Variants in ASIC2 observed in about 807,000 individuals in gnomAD.
ASIC2 encodes the protein acid-sensing ion channel 2.
Under a neutral mutation model 57.3 loss-of-function variants are expected in ASIC2, and 25 were observed. The observed-to-expected ratio is 0.44, with a 90% CI of 0.32 to 0.61. The LOEUF is 0.61. Among genes scored for constraint, ASIC2 ranks in the 20% least tolerant of loss-of-function variants. The pLI, the probability that ASIC2 is intolerant of heterozygous loss-of-function variation, is 0.06. For synonymous variants in ASIC2, 319 were observed against 307.5 expected (o/e 1.04, Z -0.39); for missense variants, 641 against 738.1 (o/e 0.87, Z 1.52).
At chr17:33,710,418 C>T (rs1908991699) in intron 1 of ASIC2, among the ~76,000 whole-genome samples, 1 of 152,128 alleles carries the variant, frequency 6.6e-6, no homozygotes, top group African/African-American at 2.4e-5. Flanking sequence ...ATGGAGGAAA[C>T]AGGTCCGGAA....
At chr17:33,900,698 A>G (rs1322603192) in intron 1 of ASIC2, among the ~76,000 whole-genome samples, 1 of 152,212 alleles carries the variant, frequency 6.6e-6, no homozygotes, top group East Asian at 1.9e-4. Flanking sequence ...AGTTTTATAC[A>G]TACTCATTGA....
At chr17:33,431,048 A>C (rs1911399826) in intron 1 of ASIC2, among the ~76,000 whole-genome samples, 1 of 152,058 alleles carries the variant, frequency 6.6e-6, no homozygotes, top group African/African-American at 2.4e-5. Context: ...AAGGTATCTG[A>C]CAGATCTGAG....
chr17:33,763,021 T>C (rs908194267), intron 1 of ASIC2, among the ~76,000 whole-genome samples: 1 of 152,154 alleles, frequency 6.6e-6, no homozygotes, highest in Non-Finnish European at 1.5e-5. Flanking sequence ...AAGGGAAGCC[T>C]ACAGAGGAGA....
At chr17:33,302,389 T>TC (rs1383652372) in intron 1 of ASIC2, among the ~76,000 whole-genome samples, 2 of 152,170 alleles carry the variant, frequency 1.3e-5, no homozygotes, top group African/African-American at 4.8e-5. Context: ...TCCTTTACTG[T>TC]CCCCTTAACT....
chr17:33,222,215 G>A (rs1315928200), intron 1 of ASIC2, among the ~76,000 whole-genome samples: 2 of 152,162 alleles, frequency 1.3e-5, no homozygotes, highest in South Asian at 2.1e-4. Context: ...TAAATAAAAT[G>A]TAATATATCC....
intron 1 of ASIC2, chr17:34,039,261 C>G: frequency 6.2e-7 from 1 of 1,613,922 alleles, no homozygotes; most frequent in South Asian, 1.1e-5. Context: ...TCTGTCTGTG[C>G]TGGATGGAGA....
chr17:33,523,341 C>T (rs1597764442), intron 1 of ASIC2, among the ~76,000 whole-genome samples: 2 of 152,278 alleles, frequency 1.3e-5, no homozygotes, highest in African/African-American at 4.8e-5. Context: ...ACTGCAACCT[C>T]CTACTCCCAG....
intron 1 of ASIC2, among the ~76,000 whole-genome samples, chr17:33,191,616 TGAG>T (rs933299426): frequency 4.8e-5 from 7 of 145,960 alleles, no homozygotes; most frequent in South Asian, 2.2e-4. Context: ...GGGAGGAGAA[TGAG>T]GAGGAGGAGG....
intron 1 of ASIC2, among the ~76,000 whole-genome samples, chr17:33,476,503 GCA>G (rs1491468877): frequency 1.0e-5 from 1 of 95,318 alleles, no homozygotes; most frequent in African/African-American, 4.4e-5. Context: ...GTGTGTGTGT[GCA>G]TATATATATA....
At chr17:33,318,882 G>A (rs573774896) in intron 1 of ASIC2, among the ~76,000 whole-genome samples, 2 of 152,320 alleles carry the variant, frequency 1.3e-5, no homozygotes, top group African/African-American at 4.8e-5. Context: ...GATGATTAGG[G>A]AAGGAAAGTG....
rs575486556 is a variant in ASIC2 at position 33,819,303 on chromosome 17, C to T, written c.555+336675G>A. ...TTAAAAGTAAGTTTCTGTCACCCTC[C>T]GCTCCTCTCTCTATTGCTCATGGGC... On this transcript the variant is annotated intron_variant, in intron 1 of 9. Transcript: ENST00000359872. Among the ~76,000 whole-genome samples, 3 of 152,262 alleles carry T rather than the reference C, an allele frequency of 2.0e-5. No individual in the cohort carries two copies. In the East Asian group the frequency reaches 5.8e-4, roughly 29 times the overall value.
intron 1 of ASIC2, among the ~76,000 whole-genome samples, chr17:33,155,249 C>T (rs780335536): frequency 1.8e-4 from 28 of 152,246 alleles, no homozygotes; most frequent in Non-Finnish European, 3.2e-4. Context: ...CTGAACGAAT[C>T]CTTATCTCGC....
intron 2 of ASIC2, among the ~76,000 whole-genome samples, chr17:33,096,655 C>T (rs1290773526): frequency 2.0e-5 from 3 of 152,286 alleles, no homozygotes; most frequent in African/African-American, 7.2e-5. Context: ...CGTGTAACAT[C>T]AGGCTGGCGA....
intron 1 of ASIC2, among the ~76,000 whole-genome samples, chr17:33,655,814 C>G (rs1386371358): frequency 6.6e-6 from 1 of 151,992 alleles, no homozygotes; most frequent in Non-Finnish European, 1.5e-5. Context: ...TATTCAGTCC[C>G]CATGTAGAAA....
intron 1 of ASIC2, among the ~76,000 whole-genome samples, chr17:33,875,080 G>C (rs547404878): frequency 6.6e-5 from 10 of 152,298 alleles, no homozygotes; most frequent in African/African-American, 1.9e-4. Context: ...GAGAGCCAAA[G>C]GGAGTCCAGG....
chr17:33,863,251 G>A (rs955272815), intron 1 of ASIC2, among the ~76,000 whole-genome samples: 1 of 152,256 alleles, frequency 6.6e-6, no homozygotes, highest in African/African-American at 2.4e-5. Context: ...ATGGAGAGAA[G>A]ACTTTATCAG....
intron 1 of ASIC2, among the ~76,000 whole-genome samples, chr17:33,657,935 T>C (rs1907128035): frequency 6.6e-6 from 1 of 152,164 alleles, no homozygotes; most frequent in South Asian, 2.1e-4. Context: ...GGCTTGGCTG[T>C]CTTCTTCCAA....
At chr17:33,155,906 C>G (rs1001572582) in intron 1 of ASIC2, among the ~76,000 whole-genome samples, 1 of 152,018 alleles carries the variant, frequency 6.6e-6, no homozygotes, top group African/African-American at 2.4e-5. Context: ...ATTGTAAGCA[C>G]TTTTTACTTA....
intron 1 of ASIC2, among the ~76,000 whole-genome samples, chr17:33,262,734 T>A (rs536647374): frequency 3.9e-5 from 6 of 152,264 alleles, no homozygotes; most frequent in Non-Finnish European, 8.8e-5. Flanking sequence ...ATCATTAAAC[T>A]AATAAATAAC....
Sources: allele counts gnomAD v4.1 joint callset (sites outside exome capture counted in the v4.1 genomes callset), GRCh38; gene constraint gnomAD v4.1.1; transcripts MANE v1.5; gene names NCBI Gene and HGNC (gene_info 2026-07-23, HGNC 2026-07-21).